Variants in TNKS observed in about 807,000 individuals in gnomAD.
The protein encoded by TNKS is tankyrase, also known as poly [ADP-ribose] polymerase tankyrase-1.
A neutral mutation model predicts 135.8 loss-of-function variants in TNKS; 72 were observed. That is an observed-to-expected ratio of 0.53 (90% CI 0.44 to 0.64). The LOEUF (loss-of-function observed/expected upper bound fraction) is 0.64. Among genes scored for constraint, TNKS ranks in the 30% least tolerant of loss-of-function variants. The probability of loss-of-function intolerance (pLI) is 0.00; values close to 1 mark genes in which losing one functional copy is unlikely to be tolerated. For missense variants in TNKS, 1,769 were observed against 1,674.0 expected, an observed-to-expected ratio of 1.06 and a Z score of -0.99; for synonymous variants, 849 against 649.3, an observed-to-expected ratio of 1.31 and a Z score of -4.68.
chr8:9,681,854 G>A (rs1040464728), intron 5 of TNKS, among the ~76,000 whole-genome samples: 1 of 151,912 alleles, frequency 6.6e-6, no homozygotes, highest in Non-Finnish European at 1.5e-5. Context: ...TGAGTCCCTC[G>A]GAATATAATT....
At chr8:9,583,563 A>G (rs1294804315) in intron 2 of TNKS, among the ~76,000 whole-genome samples, 1 of 151,830 alleles carries the variant, frequency 6.6e-6, no homozygotes, top group East Asian at 2.0e-4. Context: ...ATCTCTGCTC[A>G]CTGCGAACTC....
chr8:9,601,835 A>G (rs1799027601), intron 2 of TNKS, among the ~76,000 whole-genome samples: 1 of 152,112 alleles, frequency 6.6e-6, no homozygotes, highest in African/African-American at 2.4e-5. Flanking sequence ...TTACAGTTTT[A>G]CTTTATTGCT....
chr8:9,687,600 T>C (rs1457529794), intron 5 of TNKS, among the ~76,000 whole-genome samples: 3 of 152,228 alleles, frequency 2.0e-5, no homozygotes, highest in Non-Finnish European at 2.9e-5. Context: ...TTTTCTCTGC[T>C]GGAGAAATGA....
At chr8:9,764,524 AG>A (rs1219314272) in intron 22 of TNKS, among the ~76,000 whole-genome samples, 191 bp from the exon 23 acceptor site, 10 of 152,198 alleles carry the variant, frequency 6.6e-5, no homozygotes, top group Admixed American at 6.5e-5. Flanking sequence ...TTTATTTAAA[AG>A]TAAATAGAAA....
chr8:9,629,519 TC>T (rs1241373125), intron 3 of TNKS, among the ~76,000 whole-genome samples: 2 of 152,238 alleles, frequency 1.3e-5, no homozygotes, highest in Non-Finnish European at 2.9e-5. Context: ...TTCCTGTTGC[TC>T]CTGTATTCCA....
At chr8:9,558,299 C>T (rs1259508956) in intron 1 of TNKS, 1 of 152,172 alleles carries the variant, frequency 6.6e-6, no homozygotes, top group African/African-American at 2.4e-5. Context: ...TATTGATATA[C>T]AGACACTACT....
chr8:9,741,690 G>T (rs780763708), intron 17 of TNKS: 2 of 526,948 alleles, frequency 3.8e-6, no homozygotes, highest in East Asian at 5.5e-5. Flanking sequence ...CTACGTGTGT[G>T]TCACTCGATG....
chr8:9,630,241 A>G (rs997386194), intron 3 of TNKS, among the ~76,000 whole-genome samples: 1 of 152,188 alleles, frequency 6.6e-6, no homozygotes, highest in Non-Finnish European at 1.5e-5. Context: ...CCCGCACTCA[A>G]TAAATATTTG....
At chr8:9,720,243 T>A in intron 11 of TNKS, 131 bp from the exon 12 acceptor site, 1 of 824,710 alleles carries the variant, frequency 1.2e-6, no homozygotes, top group Non-Finnish European at 1.7e-6. Context: ...CAAAAGTTTA[T>A]AATCAATATC....
intron 20 of TNKS, among the ~76,000 whole-genome samples, chr8:9,754,978 C>T (rs939035148): frequency 6.6e-6 from 1 of 152,220 alleles, no homozygotes; most frequent in African/African-American, 2.4e-5. Context: ...TCCCATATTA[C>T]AGCTATAGCT....
At chr8:9,687,039 G>C (rs4535744) in intron 5 of TNKS, among the ~76,000 whole-genome samples, 113,348 of 152,064 alleles carry the variant, frequency 0.75, 42,363 homozygotes, top group Middle Eastern at 0.82. Context: ...ATAGAACACT[G>C]ATGGCATCTG....
chr8:9,660,548 A>G (rs970929433), intron 3 of TNKS, among the ~76,000 whole-genome samples: 2 of 152,224 alleles, frequency 1.3e-5, no homozygotes, highest in African/African-American at 4.8e-5. Flanking sequence ...CCTTCATGCT[A>G]AAAACTCTCA....
intron 21 of TNKS, 77 bp from the exon 22 acceptor site, chr8:9,763,063 ATTTTTTT>A (rs66959741): frequency 1.9e-5 from 7 of 363,376 alleles, no homozygotes; most frequent in East Asian, 1.3e-4. Context: ...CTTATTATGA[ATTTTTTT>A]TTTTTTTTTT....
chr8:9,672,054 G>A (rs980279870), intron 3 of TNKS, among the ~76,000 whole-genome samples: 5 of 152,162 alleles, frequency 3.3e-5, no homozygotes, highest in Admixed American at 6.5e-5. Flanking sequence ...TCAGATCAGC[G>A]TCCTGCTATT....
At chr8:9,589,314 G>A (rs1239616178) in intron 2 of TNKS, among the ~76,000 whole-genome samples, 2 of 152,132 alleles carry the variant, frequency 1.3e-5, no homozygotes, top group East Asian at 3.9e-4. Context: ...CTAATGAAAG[G>A]TATTGTTTAT....
At chr8:9,602,999 A>G (rs2128759787) in intron 2 of TNKS, among the ~76,000 whole-genome samples, 1 of 152,334 alleles carries the variant, frequency 6.6e-6, no homozygotes, top group African/African-American at 2.4e-5. Flanking sequence ...AAGGTGTCCT[A>G]AATATATTAA....
intron 24 of TNKS, 106 bp from the exon 25 acceptor site, chr8:9,766,133 C>A: frequency 1.1e-6 from 1 of 926,236 alleles, no homozygotes; most frequent in Non-Finnish European, 1.6e-6. Flanking sequence ...TTCATTTATA[C>A]ACCATTCATT....
Position 9,598,755 on chromosome 8 carries a change from A to G in TNKS, c.899-16827A>G, listed in dbSNP as rs1277466116. ...TGTGTCTGTGTGTGTATATATGTAT[A>G]TGTGTGTGTGTATATATATATATAT... is the stretch of plus-strand genomic sequence containing the variant. On this transcript the variant is annotated intron_variant, in intron 2 of 26. Coordinates refer to ENST00000310430, the MANE Select transcript of TNKS (RefSeq NM_003747.3). Among the ~76,000 whole-genome samples, 583 of 71,406 alleles carry G rather than the reference A, an allele frequency of 8.2e-3. 14 individuals carry two copies. Among genetic ancestry groups the G allele is most frequent in the African/African-American group, 0.023 (501 of 21,628 alleles). 46.8% of individuals were successfully genotyped at this position (71,406 alleles called of 152,430 possible).
intron 3 of TNKS, among the ~76,000 whole-genome samples, chr8:9,649,878 C>CTT (rs71201959): frequency 2.0e-4 from 17 of 83,368 alleles, no homozygotes; most frequent in African/African-American, 9.1e-4. Context: ...CTTTTCTTTT[C>CTT]TTTTTTTTTT....
Sources: gnomAD v4.1 joint callset for allele counts (sites outside exome capture counted in the v4.1 genomes callset) on GRCh38, gnomAD v4.1.1 for gene constraint, MANE v1.5 for transcripts, NCBI Gene and HGNC (gene_info 2026-07-23, HGNC 2026-07-21) for gene names.